Variants in DDB1 observed in about 807,000 individuals in gnomAD.
DDB1 encodes the protein damage specific DNA binding protein 1, also known as DNA damage-binding protein 1.
DDB1 carries 18 observed loss-of-function variants against 133.1 expected under a neutral mutation model. That is an observed-to-expected ratio of 0.14 (90% CI 0.09 to 0.20). The LOEUF (loss-of-function observed/expected upper bound fraction) is 0.20. DDB1 is among the 10% of genes least tolerant of loss of function. The pLI, the probability that DDB1 is intolerant of heterozygous loss-of-function variation, is 1.00. For synonymous variants in DDB1, 580 were observed against 550.5 expected (o/e 1.05, Z -0.75); for missense variants, 828 against 1,459.2 (o/e 0.57, Z 7.05).
intron 21 of DDB1, among the ~76,000 whole-genome samples, chr11:61,305,680 C>A (rs1484488865): frequency 6.6e-6 from 1 of 151,982 alleles, no homozygotes; most frequent in African/African-American, 2.4e-5. Flanking sequence ...ACACCTGCCA[C>A]CACTCTCTCT....
chr11:61,322,992 G>T lies in DDB1; in HGVS notation c.1005+19C>A. The T allele has an allele frequency of 6.2e-7, 1 of 1,607,680 alleles. No individual in the cohort carries two copies. The highest frequency in any genetic ancestry group is 1.1e-5 in the South Asian group (1 of 90,204). ...AGTGAGTACAGCAAAAAAGAAACCA[G>T]AAACAAGTGTCTTCTCACCTTCACA... On this transcript the variant is annotated intron_variant, in intron 8 of 26. Transcript: ENST00000301764.
intron 7 of DDB1, 146 bp from the exon 8 acceptor site, chr11:61,323,240 T>A: frequency 4.4e-6 from 3 of 677,872 alleles, no homozygotes; most frequent in Non-Finnish European, 5.3e-6. Flanking sequence ...CAGGTCACAC[T>A]AAGCAAATGT....
intron 22 of DDB1, 157 bp from the exon 23 acceptor site, chr11:61,303,312 A>C: frequency 1.5e-6 from 1 of 645,866 alleles, no homozygotes; most frequent in Non-Finnish European, 2.6e-6. Flanking sequence ...ATTCTCCCCG[A>C]CCTCTCTGCC....
chr11:61,302,931 T>C, intron 23 of DDB1, 115 bp downstream of exon 23: 1 of 1,288,688 alleles, frequency 7.8e-7, no homozygotes, highest in Non-Finnish European at 1.1e-6. Context: ...CGAGGAAAGT[T>C]CTATCTCTGT....
chr11:61,300,584 A>C (rs1207848878), intron 26 of DDB1, among the ~76,000 whole-genome samples: 1 of 152,206 alleles, frequency 6.6e-6, no homozygotes, highest in African/African-American at 2.4e-5. Context: ...CGGGGTTAAC[A>C]TGGGTAGAGT....
intron 16 of DDB1, among the ~76,000 whole-genome samples, chr11:61,313,091 G>A (rs183084809): frequency 1.7e-4 from 26 of 152,338 alleles, no homozygotes; most frequent in African/African-American, 5.8e-4. Context: ...GGGACTACAG[G>A]TGTGAGCCAC....
Position 61,300,104 on chromosome 11 carries a change from G to C in DDB1, c.*32C>G. On this transcript the variant is annotated 3_prime_UTR_variant, in exon 27 of 27. Coordinates refer to ENST00000301764, the MANE Select transcript of DDB1 (RefSeq NM_001923.5). ...GAGGGCAGCAGGGCAAAGCCTTTGG[G>C]GAGGGTCAGCAAAGGGGCCCCCTGC... 1 of 1,609,128 alleles carries C rather than the reference G, an allele frequency of 6.2e-7. No individual in the cohort carries two copies. The highest frequency in any genetic ancestry group is 8.5e-7 in the Non-Finnish European group (1 of 1,175,968).
intron 21 of DDB1, among the ~76,000 whole-genome samples, chr11:61,307,938 G>T (rs548578322): frequency 6.6e-5 from 10 of 151,940 alleles, no homozygotes; most frequent in African/African-American, 2.2e-4. Context: ...TCACCACCTG[G>T]TCCCAGCAAC....
At position 61,313,660 on chromosome 11, in the gene DDB1, G is replaced by T; in HGVS notation, c.1908C>A (p.Thr636=). The part of the protein sequence containing the change: ...RKKVTLGTQP[T]VLRTFRSLST... ...AAAGAGAACGAAAAGTCCTCAATAC[G>T]GTGGGCTGGGTGCCCAAAGTCACCT... is the stretch of plus-strand genomic sequence containing the variant. Residue 636 remains threonine, a synonymous_variant, in exon 16 of 27, where the codon ACC becomes ACA. Transcript: ENST00000301764. 1 of 1,613,858 alleles carries T rather than the reference G, an allele frequency of 6.2e-7. No individual in the cohort carries two copies.
chr11:61,325,513 A>G, intron 6 of DDB1, 98 bp downstream of exon 6: 1 of 939,386 alleles, frequency 1.1e-6, no homozygotes, highest in Admixed American at 2.3e-5. Context: ...TGTAACAGGC[A>G]TCTGTGAATC....
At chr11:61,316,082 A>G (rs1436528991) in intron 12 of DDB1, 3 of 502,188 alleles carry the variant, frequency 6.0e-6, no homozygotes, top group Non-Finnish European at 1.1e-5. Context: ...ACATTTGCAG[A>G]AGAAAAATAA....
chr11:61,323,364 TA>T, intron 7 of DDB1: 1 of 419,570 alleles, frequency 2.4e-6, no homozygotes, highest in Non-Finnish European at 4.3e-6. Context: ...GTATTAATAT[TA>T]AACTTTTTGG....
rs1269942733 is a variant in DDB1, at chr11:61,314,044, T to C, written c.1753+3A>G. The C allele has an allele frequency of 1.2e-6, 2 of 1,613,904 alleles. No individual in the cohort carries two copies. Among genetic ancestry groups the C allele is most frequent in the Non-Finnish European group, 1.7e-6 (2 of 1,179,990 alleles). ...CCAACCCAGGTCCCTAAATGACACA[T>C]ACCTCCACCCAGCATCTCCTTGTGC... On this transcript the variant is annotated splice_donor_region_variant and intron_variant, in intron 14 of 26. Transcript: ENST00000301764.
intron 7 of DDB1, chr11:61,323,455 T>G (rs1325542715): frequency 7.1e-6 from 2 of 281,510 alleles, no homozygotes; most frequent in Non-Finnish European, 1.4e-5. Context: ...TCACCCAGGC[T>G]GGAGTGCAGT....
chr11:61,300,284 G>A, intron 26 of DDB1, 65 bp from the exon 27 acceptor site: 1 of 1,512,928 alleles, frequency 6.6e-7, no homozygotes, highest in Non-Finnish European at 9.1e-7. Flanking sequence ...GTGGGGAAGG[G>A]AATGCCCCCA....
chr11:61,304,894 A>G (rs1855860867), intron 21 of DDB1, among the ~76,000 whole-genome samples: 1 of 150,664 alleles, frequency 6.6e-6, no homozygotes, highest in African/African-American at 2.4e-5. Flanking sequence ...AAAAAAAAGG[A>G]AAAAAAAAGA....
chr11:61,300,287 T>G, intron 26 of DDB1, 68 bp from the exon 27 acceptor site: 2 of 1,497,436 alleles, frequency 1.3e-6, no homozygotes, highest in Non-Finnish European at 1.8e-6. Context: ...GGGAAGGGAA[T>G]GCCCCCAGTG....
chr11:61,331,813 A>C, intron 1 of DDB1, 122 bp from the exon 2 acceptor site: 3 of 1,358,814 alleles, frequency 2.2e-6, no homozygotes, highest in South Asian at 1.4e-5. Context: ...TACTTCTCCA[A>C]CTCCCTCCAG....
At chr11:61,305,333 C>A (rs1027021773) in intron 21 of DDB1, among the ~76,000 whole-genome samples, 10 of 152,134 alleles carry the variant, frequency 6.6e-5, no homozygotes, top group Non-Finnish European at 1.0e-4. Context: ...GTGGTGAAAC[C>A]CCATCTCTAC....
Sources: allele counts gnomAD v4.1 joint callset (sites outside exome capture counted in the v4.1 genomes callset), GRCh38; gene constraint gnomAD v4.1.1; transcripts MANE v1.5; gene names NCBI Gene and HGNC (gene_info 2026-07-23, HGNC 2026-07-21).